Variants in HDX observed in about 807,000 individuals in gnomAD.
The protein encoded by HDX is chromosome X open reading frame 43.
HDX carries 19 observed loss-of-function variants against 45.2 expected under a neutral mutation model. The observed-to-expected ratio is 0.42, with a 90% CI of 0.29 to 0.62. The LOEUF (loss-of-function observed/expected upper bound fraction) is 0.62. Among genes scored for constraint, HDX ranks in the 20% least tolerant of loss-of-function variants. HDX has a pLI of 0.20. For synonymous variants in HDX, 188 were observed against 172.8 expected, an observed-to-expected ratio of 1.09 and a Z score of -0.69; for missense variants, 532 against 493.9, an observed-to-expected ratio of 1.08 and a Z score of -0.73.
intron 5 of HDX, among the ~76,000 whole-genome samples, chrX:84,432,431 A>G (rs953846131): frequency 4.5e-5 from 5 of 112,033 alleles, no homozygotes; most frequent in African/African-American, 9.7e-5. Flanking sequence ...GCAGGTGGCC[A>G]TTTTGACAAT....
At chrX:84,466,731 T>C (rs772479382) in intron 4 of HDX, among the ~76,000 whole-genome samples, 3 of 111,898 alleles carry the variant, frequency 2.7e-5, no homozygotes, top group African/African-American at 9.8e-5. Flanking sequence ...GTAAGTCAAA[T>C]ACAGTTGAAA....
intron 5 of HDX, among the ~76,000 whole-genome samples, chrX:84,400,435 A>G (rs1358456253): frequency 9.2e-6 from 1 of 108,319 alleles, no homozygotes; most frequent in Non-Finnish European, 1.9e-5. Flanking sequence ...GGCAAATCGT[A>G]ACAAACTCCC....
At chrX:84,360,188 T>A (rs2147846122) in intron 6 of HDX, among the ~76,000 whole-genome samples, 1 of 111,593 alleles carries the variant, frequency 9.0e-6, no homozygotes, top group Admixed American at 9.5e-5. Context: ...AAGCTCAACA[T>A]CACTAATCTT....
At chrX:84,392,829 T>C (rs1319023587) in intron 5 of HDX, among the ~76,000 whole-genome samples, 2 of 94,669 alleles carry the variant, frequency 2.1e-5, no homozygotes, top group Non-Finnish European at 4.4e-5. Context: ...TTTTTTTTTT[T>C]GTCTACTGAT....
intron 6 of HDX, among the ~76,000 whole-genome samples, chrX:84,356,117 C>T (rs1225912781): frequency 9.0e-6 from 1 of 111,112 alleles, no homozygotes; most frequent in African/African-American, 3.3e-5. Context: ...TCAAATTATA[C>T]CGTAAGTAAT....
intron 4 of HDX, among the ~76,000 whole-genome samples, chrX:84,452,329 CATATT>C (rs1158428931): frequency 1.8e-5 from 2 of 110,587 alleles, no homozygotes. Context: ...AGAAAATCAA[CATATT>C]ATAATAAGTA....
At chrX:84,352,246 T>TG (rs1415230123) in intron 6 of HDX, among the ~76,000 whole-genome samples, 10 of 112,013 alleles carry the variant, frequency 8.9e-5, no homozygotes, top group African/African-American at 3.2e-4. Context: ...TTATATTTGA[T>TG]GGGGGGAATT....
Position 84,319,838 on chromosome X carries a change from A to G in HDX, c.*2051T>C, listed in dbSNP as rs1008859738. The G allele has an allele frequency of 3.6e-5, 4 of 111,458 alleles. No individual in the cohort carries two copies. The highest frequency in any genetic ancestry group is 1.3e-4 in the African/African-American group (4 of 30,882). The allele number at this position is 111,458 out of a possible 1,213,427, so 9.2% of individuals were successfully genotyped here. A position where few individuals can be genotyped will look rare whatever the true frequency, so the allele number is the denominator to read the frequency against. On this transcript the variant is annotated 3_prime_UTR_variant, in exon 11 of 11. Transcript: ENST00000373177. ...CTTGCTGAGAAATCCAATGTCCAGCACAGTGTCTTCTCTATAGCAGGAGCT... is the reference window on the plus strand; with the variant it reads ...CTTGCTGAGAAATCCAATGTCCAGCGCAGTGTCTTCTCTATAGCAGGAGCT...
intron 5 of HDX, among the ~76,000 whole-genome samples, chrX:84,421,763 C>T (rs2039258705): frequency 9.0e-6 from 1 of 110,745 alleles, no homozygotes; most frequent in Non-Finnish European, 1.9e-5. Context: ...GAGCAAGAGT[C>T]ACTATATTTA....
chrX:84,472,210 T>C (rs1001880181), intron 3 of HDX, among the ~76,000 whole-genome samples: 2 of 111,330 alleles, frequency 1.8e-5, no homozygotes, highest in African/African-American at 6.5e-5. Context: ...ATTTATGGCT[T>C]ACTTATAAAG....
At chrX:84,385,535 G>GT (rs1304029296) in intron 5 of HDX, among the ~76,000 whole-genome samples, 2 of 110,546 alleles carry the variant, frequency 1.8e-5, no homozygotes, top group Non-Finnish European at 3.8e-5. Context: ...TCTTGCAGCA[G>GT]TTTTTTTGTA....
At chrX:84,466,684 A>T (rs1299782970) in intron 4 of HDX, among the ~76,000 whole-genome samples, 1 of 112,299 alleles carries the variant, frequency 8.9e-6, no homozygotes, top group Non-Finnish European at 1.9e-5. Context: ...GGGTTTAAAA[A>T]ATATTTAAAT....
chrX:84,431,085 G>A (rs1413116296), intron 5 of HDX, among the ~76,000 whole-genome samples: 1 of 110,470 alleles, frequency 9.1e-6, no homozygotes, highest in Non-Finnish European at 1.9e-5. Flanking sequence ...TGTACTTGAT[G>A]TTTAGTTTTC....
intron 6 of HDX, among the ~76,000 whole-genome samples, chrX:84,353,747 C>G (rs922308257): frequency 1.8e-4 from 20 of 111,426 alleles, no homozygotes; most frequent in African/African-American, 6.5e-4. Flanking sequence ...ATCACTTTTA[C>G]TAATGTGAGT....
rs192906612 is a variant in HDX, at chrX:84,324,579, A to G, written c.1947+1599T>C. 2.6e-3 allele frequency among the ~76,000 whole-genome samples: 290 copies of G among 111,658 alleles called. 2 individuals are homozygous for G. Among genetic ancestry groups the G allele is most frequent in the African/African-American group, 9.1e-3 (280 of 30,843 alleles). On this transcript the variant is annotated intron_variant, in intron 10 of 10. Transcript: ENST00000373177. ...TCTTTCAACCAACTTTTGTCCATAT[A>G]CTAATTTATTAGTCTTTAATCAGAG...
intron 5 of HDX, chrX:84,403,822 C>G (rs1439693070): frequency 2.2e-4 from 25 of 111,810 alleles, no homozygotes; most frequent in Admixed American, 2.1e-3. Context: ...GTATATTAAC[C>G]TTTCATAGAA....
At chrX:84,435,851 A>T (rs2148047473) in intron 5 of HDX, among the ~76,000 whole-genome samples, 1 of 93,954 alleles carries the variant, frequency 1.1e-5, no homozygotes, top group East Asian at 3.4e-4. Flanking sequence ...TAGTTCAACC[A>T]TTGTGGAAGT....
At chrX:84,483,906 T>G (rs945956117) in intron 2 of HDX, among the ~76,000 whole-genome samples, 3 of 111,295 alleles carry the variant, frequency 2.7e-5, no homozygotes, top group African/African-American at 9.8e-5. Flanking sequence ...ATACCACCAG[T>G]CTCTGTAGAG....
chrX:84,369,053 G>T (rs1212104328), intron 5 of HDX, among the ~76,000 whole-genome samples: 1 of 110,280 alleles, frequency 9.1e-6, no homozygotes, highest in East Asian at 2.9e-4. Flanking sequence ...CATGGAGTGG[G>T]AACCCTTGCA....
Sources: allele counts gnomAD v4.1 joint callset (sites outside exome capture counted in the v4.1 genomes callset), GRCh38; gene constraint gnomAD v4.1.1; transcripts MANE v1.5; gene names NCBI Gene and HGNC (gene_info 2026-07-23, HGNC 2026-07-21).